MOB3B: variants seen among roughly 807,000 people sequenced by gnomAD.
The protein encoded by MOB3B is MOB kinase activator-like 2B.
A neutral mutation model predicts 18.7 loss-of-function variants in MOB3B; 7 were observed. The observed-to-expected ratio is 0.37, with a 90% CI of 0.21 to 0.70. The LOEUF is 0.70. Among genes scored for constraint, MOB3B ranks in the 30% least tolerant of loss-of-function variants. The pLI, the probability that MOB3B is intolerant of heterozygous loss-of-function variation, is 0.52. For missense variants in MOB3B, 253 were observed against 281.3 expected (o/e 0.90, Z 0.72); for synonymous variants, 111 against 99.9 (o/e 1.11, Z -0.66).
Position 27,415,500 on chromosome 9 carries a change from G to A in MOB3B, c.418+39633C>T, listed in dbSNP as rs190541595. On this transcript the variant is annotated intron_variant, in intron 2 of 3. Coordinates refer to ENST00000262244, the MANE Select transcript of MOB3B (RefSeq NM_024761.5). ...AGAAAAAATAGGAATTGGAGTCTCT[G>A]AGTCTTCCCATTCATTATTCTTCTC... Among the ~76,000 whole-genome samples, 11 of 152,042 alleles carry A rather than the reference G, an allele frequency of 7.2e-5. No homozygotes were observed. The East Asian group carries it at 1.9e-3, about 27-fold the overall frequency.
intron 1 of MOB3B, among the ~76,000 whole-genome samples, chr9:27,511,155 A>G (rs1820136368): frequency 6.6e-6 from 1 of 152,132 alleles, no homozygotes; most frequent in South Asian, 2.1e-4. Context: ...TCTTTCTCAA[A>G]AAAGCTATTT....
chr9:27,393,012 G>T (rs1238253827), intron 2 of MOB3B, among the ~76,000 whole-genome samples: 1 of 152,154 alleles, frequency 6.6e-6, no homozygotes, highest in Non-Finnish European at 1.5e-5. Context: ...AGGAAAAGTG[G>T]CTGATTAACT....
intron 3 of MOB3B, among the ~76,000 whole-genome samples, chr9:27,348,786 G>C (rs1298726014): frequency 1.3e-5 from 2 of 152,336 alleles, no homozygotes; most frequent in African/African-American, 4.8e-5. Flanking sequence ...CTAGTCTGTA[G>C]AAGATACATG....
chr9:27,475,221 G>A (rs1819536283), intron 1 of MOB3B, among the ~76,000 whole-genome samples: 1 of 152,240 alleles, frequency 6.6e-6, no homozygotes, highest in Admixed American at 6.5e-5. Context: ...ACCAGGATCT[G>A]AATCCTGCCA....
intron 2 of MOB3B, among the ~76,000 whole-genome samples, chr9:27,411,509 T>C (rs1014625732): frequency 2.6e-5 from 4 of 152,232 alleles, no homozygotes; most frequent in Non-Finnish European, 4.4e-5. Flanking sequence ...TGCCTATTTC[T>C]AGACCTTTAA....
Position 27,327,790 on chromosome 9 carries a change from A to T in MOB3B, c.*2797T>A, listed in dbSNP as rs1382688418. On this transcript the variant is annotated 3_prime_UTR_variant, in exon 4 of 4. Coordinates refer to ENST00000262244, the MANE Select transcript of MOB3B (RefSeq NM_024761.5). ...TTAGATTTATGCAGTATCAGTGTTC[A>T]GTTTCATGGGCGTGAAAATATTGCA... The T allele has an allele frequency of 2.0e-5, 3 of 152,240 alleles. No individual in the cohort carries two copies. In the East Asian group the frequency reaches 5.8e-4, roughly 29 times the overall value. The allele number at this position is 152,240 out of a possible 1,614,324, so 9.4% of individuals were successfully genotyped here. A position where few individuals can be genotyped will look rare whatever the true frequency, so the allele number is the denominator to read the frequency against.
chr9:27,494,612 T>G (rs958799844), intron 1 of MOB3B, among the ~76,000 whole-genome samples: 4 of 152,184 alleles, frequency 2.6e-5, no homozygotes, highest in Admixed American at 1.3e-4. Context: ...CCCTCTGGGT[T>G]TAAGTGATTC....
At chr9:27,427,661 A>G (rs547821079) in intron 2 of MOB3B, among the ~76,000 whole-genome samples, 2 of 152,356 alleles carry the variant, frequency 1.3e-5, no homozygotes, top group East Asian at 3.9e-4. Context: ...GTGCAGAACA[A>G]TAAAGATTCT....
intron 1 of MOB3B, among the ~76,000 whole-genome samples, chr9:27,471,621 T>C (rs1451727473): frequency 2.0e-5 from 3 of 152,218 alleles, no homozygotes; most frequent in Non-Finnish European, 4.4e-5. Context: ...AAAATGGAGA[T>C]AAAATATCCA....
intron 2 of MOB3B, among the ~76,000 whole-genome samples, chr9:27,422,578 T>C (rs553390701): frequency 5.3e-5 from 8 of 152,376 alleles, no homozygotes; most frequent in East Asian, 1.9e-4. Flanking sequence ...ATTGGCAATA[T>C]GTAGTTTTAT....
intron 1 of MOB3B, among the ~76,000 whole-genome samples, chr9:27,502,335 C>T (rs1295313234): frequency 2.0e-5 from 3 of 152,166 alleles, no homozygotes; most frequent in Non-Finnish European, 4.4e-5. Flanking sequence ...TACCTCTTCC[C>T]TATTCATATA....
At chr9:27,422,232 C>A (rs1193394958) in intron 2 of MOB3B, among the ~76,000 whole-genome samples, 1 of 152,222 alleles carries the variant, frequency 6.6e-6, no homozygotes, top group Non-Finnish European at 1.5e-5. Flanking sequence ...AGGTGGCTGG[C>A]TGAGCAATTT....
intron 3 of MOB3B, among the ~76,000 whole-genome samples, chr9:27,343,530 G>A (rs982666805): frequency 6.8e-6 from 1 of 146,976 alleles, no homozygotes; most frequent in Non-Finnish European, 1.5e-5. Flanking sequence ...TTCAGAGTAT[G>A]AGAGGAGACA....
rs1168770006 is a variant in MOB3B at position 27,326,492 on chromosome 9, G to A, written c.*4095C>T. 2 of 398,464 alleles carry A rather than the reference G, an allele frequency of 5.0e-6. No individual in the cohort carries two copies. The highest frequency in any genetic ancestry group is 8.8e-6 in the Non-Finnish European group (2 of 226,062). The allele number at this position is 398,464 out of a possible 1,614,324, so 24.7% of individuals were successfully genotyped here. ...AAGAATACTTCAGCTCGAGTTGAAT[G>A]GAATTCAAGATGTTGTGGAGGGTTC... On this transcript the variant is annotated 3_prime_UTR_variant, in exon 4 of 4. Transcript: ENST00000262244.
chr9:27,516,135 G>T (rs1425806864), intron 1 of MOB3B, among the ~76,000 whole-genome samples: 1 of 152,190 alleles, frequency 6.6e-6, no homozygotes, highest in Non-Finnish European at 1.5e-5. Flanking sequence ...AAGGATTCTT[G>T]TTTAGAGGCT....
chr9:27,492,483 T>C (rs1563882130), intron 1 of MOB3B, among the ~76,000 whole-genome samples: 1 of 152,198 alleles, frequency 6.6e-6, no homozygotes. Flanking sequence ...GCCAGCGAAA[T>C]GCTGCCCAAG....
intron 3 of MOB3B, among the ~76,000 whole-genome samples, chr9:27,346,402 C>T (rs911200574): frequency 6.6e-6 from 1 of 152,196 alleles, no homozygotes; most frequent in Non-Finnish European, 1.5e-5. Context: ...AGCTGTGTGA[C>T]ATTGGACAAG....
At chr9:27,409,470 T>C (rs1418507931) in intron 2 of MOB3B, among the ~76,000 whole-genome samples, 1 of 152,236 alleles carries the variant, frequency 6.6e-6, no homozygotes, top group Non-Finnish European at 1.5e-5. Flanking sequence ...ACAACCCTCA[T>C]ATACTGCTGG....
intron 2 of MOB3B, among the ~76,000 whole-genome samples, chr9:27,373,124 C>T (rs1324583590): frequency 6.6e-6 from 1 of 152,182 alleles, no homozygotes; most frequent in African/African-American, 2.4e-5. Flanking sequence ...TCTGTCTTTA[C>T]TGTTATGCTC....
Sources: gnomAD v4.1 joint callset for allele counts (sites outside exome capture counted in the v4.1 genomes callset) on GRCh38, gnomAD v4.1.1 for gene constraint, MANE v1.5 for transcripts, NCBI Gene and HGNC (gene_info 2026-07-23, HGNC 2026-07-21) for gene names.